ABCC9: variants seen among roughly 807,000 people sequenced by gnomAD.
The protein encoded by ABCC9 is ATP binding cassette subfamily C member 9.
In ABCC9, 95 loss-of-function variants were observed where a neutral mutation model predicts 188.3. The observed-to-expected ratio is 0.50, with a 90% CI of 0.43 to 0.60. The LOEUF is 0.60. ABCC9 is among the 20% of genes least tolerant of loss of function. The pLI is 0.00. For synonymous variants in ABCC9, 659 were observed against 652.7 expected (o/e 1.01, Z -0.15); for missense variants, 1,102 against 1,876.3 (o/e 0.59, Z 7.62).
At chr12:21,840,908 TCTC>T (rs1323352282) in intron 29 of ABCC9, among the ~76,000 whole-genome samples, 1 of 152,264 alleles carries the variant, frequency 6.6e-6, no homozygotes, top group Non-Finnish European at 1.5e-5. Context: ...TTTCTTCTTA[TCTC>T]CTCCTACTTT....
At chr12:21,818,015 C>A in intron 32 of ABCC9, 135 bp downstream of exon 32, 2 of 674,042 alleles carry the variant, frequency 3.0e-6, no homozygotes, top group East Asian at 3.1e-5. Flanking sequence ...CCCCTCACCC[C>A]CACCCCCCAA....
chr12:21,893,962 A>G, intron 14 of ABCC9, 70 bp downstream of exon 14: 14 of 1,496,006 alleles, frequency 9.4e-6, no homozygotes, highest in Non-Finnish European at 1.3e-5. Flanking sequence ...ATATTTTTTC[A>G]AATACTCCTA....
At chr12:21,888,642 G>C (rs1308684941) in intron 14 of ABCC9, among the ~76,000 whole-genome samples, 1 of 152,054 alleles carries the variant, frequency 6.6e-6, no homozygotes, top group Non-Finnish European at 1.5e-5. Context: ...CCATTTGAGA[G>C]GCCCTGCTCT....
In ABCC9 at chr12:21,936,679, T is replaced by C. The variant is rs1198749168; in HGVS notation, c.-5A>G. 6.2e-7 allele frequency: 1 copy of C among 1,605,190 alleles called. No individual in the cohort carries two copies. The highest frequency in any genetic ancestry group is 1.1e-5 in the South Asian group (1 of 90,760). On this transcript the variant is annotated 5_prime_UTR_variant, in exon 3 of 40. Coordinates refer to ENST00000261200, the MANE Select transcript of ABCC9 (RefSeq NM_020297.4). ...ACCACAAAATGAAAGGCTCATTTCT[T>C]CTTATATGGTTTACTCTAAAAGGGA...
rs1386552743 is a variant in ABCC9, at chr12:21,801,062, A to G, written c.4632T>C (p.Phe1544=). Reference sequence around the variant, plus strand: ...CACTCCTTCACATGTCTGCGCGAACAAAAGAAGCAAATACTCCATTTTCCT... The same window carrying G: ...CACTCCTTCACATGTCTGCGCGAACGAAAGAAGCAAATACTCCATTTTCCT... The part of the protein sequence containing the change: ...LAQENGVFAS[F]VRADM The change falls in exon 40 of 40, where the codon TTT becomes TTC. Residue 1544 remains phenylalanine, a synonymous_variant. Coordinates refer to ENST00000261200, the MANE Select transcript of ABCC9 (RefSeq NM_020297.4). 1 of 1,613,872 alleles carries G rather than the reference A, an allele frequency of 6.2e-7. No individual in the cohort carries two copies. The highest frequency in any genetic ancestry group is 8.5e-7 in the Non-Finnish European group (1 of 1,179,920).
intron 34 of ABCC9, among the ~76,000 whole-genome samples, chr12:21,815,401 C>T (rs1305287008): frequency 2.0e-5 from 3 of 151,746 alleles, no homozygotes; most frequent in Admixed American, 2.0e-4. Context: ...TTCTTCTGCC[C>T]ACTTGTTCTT....
intron 22 of ABCC9, among the ~76,000 whole-genome samples, chr12:21,858,979 A>G (rs1387976181): frequency 6.6e-6 from 1 of 152,198 alleles, no homozygotes; most frequent in Non-Finnish European, 1.5e-5. Context: ...TAATCAACAT[A>G]ACCGTCAAAT....
chr12:21,927,507 GT>G (rs1949088734), intron 4 of ABCC9, among the ~76,000 whole-genome samples: 1 of 152,190 alleles, frequency 6.6e-6, no homozygotes, highest in South Asian at 2.1e-4. Context: ...AGACTGATTG[GT>G]GAAATAGACA....
intron 4 of ABCC9, among the ~76,000 whole-genome samples, chr12:21,926,533 T>C (rs192709271): frequency 6.6e-6 from 1 of 152,244 alleles, no homozygotes; most frequent in East Asian, 1.9e-4. Flanking sequence ...GATGCAACCA[T>C]GAAGAAAACA....
intron 18 of ABCC9, among the ~76,000 whole-genome samples, chr12:21,865,144 TTGAATTCAATAACATACACATTACAGACG>T (rs1354447189): frequency 2.0e-5 from 3 of 152,144 alleles, no homozygotes; most frequent in African/African-American, 7.2e-5. Context: ...TTAGGGTCAG[TTGAATTCAATAACATACACATTACAGACG>T]TGAATTCAAT....
Position 21,801,170 on chromosome 12 carries a change from G to A in ABCC9, c.4524C>T (p.His1508=), listed in dbSNP as rs1426431607. The change falls in exon 40 of 40, where the codon CAC becomes CAT. Residue 1508 remains histidine, a synonymous_variant. Coordinates refer to ENST00000261200, the MANE Select transcript of ABCC9 (RefSeq NM_020297.4). ...RTVVTIAHRV[H]TILTADLVIV... Reference sequence around the variant, plus strand: ...TAACCAGGTCTGCCGTCAGAATAGTGTGTACTCGATGCTGTGAGTGAAAAG... The same window carrying A: ...TAACCAGGTCTGCCGTCAGAATAGTATGTACTCGATGCTGTGAGTGAAAAG... The A allele has an allele frequency of 9.9e-6, 16 of 1,613,798 alleles. No individual in the cohort carries two copies. The highest frequency in any genetic ancestry group is 2.7e-5 in the African/African-American group (2 of 74,920).
At chr12:21,910,780 A>C in intron 9 of ABCC9, 46 bp downstream of exon 9, 1 of 1,540,340 alleles carries the variant, frequency 6.5e-7, no homozygotes, top group Non-Finnish European at 9.0e-7. Context: ...ACTGAATGGT[A>C]TATAGCATTC....
chr12:21,933,636 A>T (rs955294704), intron 4 of ABCC9, 146 bp downstream of exon 4: 1 of 841,630 alleles, frequency 1.2e-6, no homozygotes, highest in Non-Finnish European at 1.9e-6. Flanking sequence ...TCAAAAAGAC[A>T]TAAGAACTTC....
At chr12:21,857,259 T>A (rs1945272729) in intron 22 of ABCC9, among the ~76,000 whole-genome samples, 1 of 152,158 alleles carries the variant, frequency 6.6e-6, no homozygotes, top group Non-Finnish European at 1.5e-5. Context: ...TTAAGAAAAG[T>A]TATACAAAAT....
chr12:21,863,254 A>G (rs1175993015), intron 19 of ABCC9, among the ~76,000 whole-genome samples, 200 bp from the exon 20 acceptor site: 1 of 152,162 alleles, frequency 6.6e-6, no homozygotes, highest in Non-Finnish European at 1.5e-5. Context: ...TAAAGGGATT[A>G]GGATTTAATC....
In ABCC9 at chr12:21,818,159, A is replaced by G. The variant is rs1942783589; in HGVS notation, c.3762T>C (p.Tyr1254=). Residue 1254 remains tyrosine (Y), a synonymous_variant, in exon 32 of 40, where the codon TAT becomes TAC. Coordinates refer to ENST00000261200, the MANE Select transcript of ABCC9 (RefSeq NM_020297.4). ...TTTTATCCATACCTACCGTAAGTGC[A>G]TACAGAAGACCCAAGCCTACCAATC... ...NSGLVGLGLL[Y]ALTITNYLNW... is the part of the protein sequence containing the mutation. 3 of 1,611,896 alleles carry G rather than the reference A, an allele frequency of 1.9e-6. No individual in the cohort carries two copies. Among genetic ancestry groups the G allele is most frequent in the Non-Finnish European group, 2.5e-6 (3 of 1,177,994 alleles).
chr12:21,876,033 C>T (rs923035539), intron 16 of ABCC9, among the ~76,000 whole-genome samples: 53 of 152,206 alleles, frequency 3.5e-4, no homozygotes, highest in African/African-American at 1.3e-3. Context: ...GCCTGGGTGA[C>T]AGAGCGAGAC....
At chr12:21,886,375 C>T (rs1189294069) in intron 15 of ABCC9, among the ~76,000 whole-genome samples, 2 of 152,044 alleles carry the variant, frequency 1.3e-5, no homozygotes, top group Non-Finnish European at 2.9e-5. Context: ...CTTTCTCCCT[C>T]ATCTCCTCCA....
At chr12:21,927,378 G>C (rs1949083892) in intron 4 of ABCC9, among the ~76,000 whole-genome samples, 2 of 152,166 alleles carry the variant, frequency 1.3e-5, no homozygotes, top group Non-Finnish European at 2.9e-5. Context: ...AGTGGAGGGA[G>C]AGAAATGGAA....
Sources: allele counts gnomAD v4.1 joint callset (sites outside exome capture counted in the v4.1 genomes callset), GRCh38; gene constraint gnomAD v4.1.1; transcripts MANE v1.5; gene names NCBI Gene and HGNC (gene_info 2026-07-23, HGNC 2026-07-21).